The following ZNF503 variants were observed in gnomAD, a reference collection of about 807,000 sequenced individuals.
The protein encoded by ZNF503 is zinc finger protein 503.
In ZNF503, 15 loss-of-function variants were observed where a neutral mutation model predicts 34.4. The ratio of observed to expected loss-of-function variants is 0.44; its 90% CI spans 0.29 to 0.67. The LOEUF is 0.67. ZNF503 is among the 30% of genes least tolerant of loss of function. The pLI is 0.13. For synonymous variants in ZNF503, 580 were observed against 456.8 expected (o/e 1.27, Z -3.44); for missense variants, 1,007 against 926.8 (o/e 1.09, Z -1.12).
At chr10:75,315,657 C>T in the ZNF503 span, among the ~76,000 whole-genome samples, 1 of 151,986 alleles carries the variant, frequency 6.6e-6, no homozygotes, top group Non-Finnish European at 1.5e-5. Context: ...CCAAGGAAGA[C>T]AACAAAAGAG....
At chr10:75,300,123 A>G in the ZNF503 span, among the ~76,000 whole-genome samples, 2 of 152,188 alleles carry the variant, frequency 1.3e-5, no homozygotes, top group Non-Finnish European at 2.9e-5. Flanking sequence ...CAAGGGGGCC[A>G]TTTTAGAGGC....
At chr10:75,335,006 A>G in the ZNF503 span, among the ~76,000 whole-genome samples, 3 of 152,186 alleles carry the variant, frequency 2.0e-5, no homozygotes, top group Non-Finnish European at 1.5e-5. Context: ...GAGGCAATCC[A>G]CCATATCCAG....
At chr10:75,400,913 C>T (rs1843793283) in intron 1 of ZNF503, 192 bp downstream of exon 1, 2 of 810,666 alleles carry the variant, frequency 2.5e-6, no homozygotes, top group African/African-American at 1.7e-5. Context: ...TGCTCCCTAG[C>T]ATGCACGCCC....
the ZNF503 span, among the ~76,000 whole-genome samples, chr10:75,314,754 A>G: frequency 1.3e-5 from 2 of 152,224 alleles, no homozygotes; most frequent in African/African-American, 2.4e-5. Context: ...AGAAAGTGGA[A>G]TAATATATTA....
the ZNF503 span, among the ~76,000 whole-genome samples, chr10:75,381,218 G>GTTTGTTTTGT: frequency 1.1e-4 from 16 of 152,092 alleles, no homozygotes; most frequent in Admixed American, 5.9e-4. Flanking sequence ...ATTTTTGTTT[G>GTTTGTTTTGT]TTTGTTTTGT....
the ZNF503 span, among the ~76,000 whole-genome samples, chr10:75,290,780 G>A: frequency 4.6e-5 from 7 of 152,168 alleles, no homozygotes; most frequent in Admixed American, 1.3e-4. Context: ...TGCCAAAGTC[G>A]TTGAACTGAA....
At chr10:75,371,712 C>T in the ZNF503 span, among the ~76,000 whole-genome samples, 1 of 152,138 alleles carries the variant, frequency 6.6e-6, no homozygotes, top group African/African-American at 2.4e-5. Context: ...GTATTAAGTC[C>T]GCAGATACTC....
At chr10:75,364,167 C>T in the ZNF503 span, among the ~76,000 whole-genome samples, 1 of 152,234 alleles carries the variant, frequency 6.6e-6, no homozygotes, top group African/African-American at 2.4e-5. Context: ...GTTATCTCTG[C>T]TTTCCATTCT....
the ZNF503 span, among the ~76,000 whole-genome samples, chr10:75,280,789 C>A: frequency 6.6e-6 from 1 of 151,960 alleles, no homozygotes; most frequent in African/African-American, 2.4e-5. Context: ...AGAGGGAGGA[C>A]CCAACTTAAG....
At chr10:75,375,341 T>C in the ZNF503 span, among the ~76,000 whole-genome samples, 10 of 152,098 alleles carry the variant, frequency 6.6e-5, no homozygotes, top group African/African-American at 2.4e-4. Context: ...CAGGATGGTC[T>C]TGATCTCCTG....
At chr10:75,349,187 A>C in the ZNF503 span, among the ~76,000 whole-genome samples, 1 of 152,250 alleles carries the variant, frequency 6.6e-6, no homozygotes, top group African/African-American at 2.4e-5. Context: ...TATCCCAATA[A>C]TGTTCTTTAT....
chr10:75,356,735 T>C, the ZNF503 span, among the ~76,000 whole-genome samples: 1 of 152,154 alleles, frequency 6.6e-6, no homozygotes, highest in African/African-American at 2.4e-5. Context: ...GGTTCTCCCA[T>C]TGAGGCCCTG....
chr10:75,397,150 G>C (rs1458695666), downstream of ZNF503, among the ~76,000 whole-genome samples: 1 of 151,770 alleles, frequency 6.6e-6, no homozygotes, highest in East Asian at 1.9e-4. Context: ...ACCCGGACGG[G>C]GAAAAGCAGC....
chr10:75,373,267 C>T, the ZNF503 span: 1 of 152,214 alleles, frequency 6.6e-6, no homozygotes, highest in Non-Finnish European at 1.5e-5. Context: ...GGCACAAAGG[C>T]CAGCCCTTTG....
chr10:75,291,601 ACT>A, the ZNF503 span, among the ~76,000 whole-genome samples: 4 of 151,938 alleles, frequency 2.6e-5, no homozygotes, highest in Non-Finnish European at 4.4e-5. Flanking sequence ...ACACAGTGAG[ACT>A]CTGTCTCAAA....
chr10:75,317,003 A>T, the ZNF503 span, among the ~76,000 whole-genome samples: 1,365 of 152,288 alleles, frequency 9.0e-3, 21 homozygotes, highest in South Asian at 0.021. Flanking sequence ...GTACAGCAGC[A>T]CAGTCATAGC....
At chr10:75,297,123 C>CAG in the ZNF503 span, among the ~76,000 whole-genome samples, 1 of 152,130 alleles carries the variant, frequency 6.6e-6, no homozygotes, top group African/African-American at 2.4e-5. Context: ...GTGATTTTAT[C>CAG]TGTGTTTATT....
chr10:75,400,993 G>A, intron 1 of ZNF503, 112 bp downstream of exon 1: 6 of 1,469,596 alleles, frequency 4.1e-6, no homozygotes, highest in Non-Finnish European at 5.5e-6. Flanking sequence ...CCCCCATTCG[G>A]GAGCTGAATC....
chr10:75,314,998 C>T, the ZNF503 span, among the ~76,000 whole-genome samples: 2,974 of 152,218 alleles, frequency 0.02, 111 homozygotes, highest in African/African-American at 0.068. Context: ...TCAGATTACC[C>T]TAATATTGTA....
Sources: gnomAD v4.1 joint callset for allele counts (sites outside exome capture counted in the v4.1 genomes callset) on GRCh38, gnomAD v4.1.1 for gene constraint, MANE v1.5 for transcripts, NCBI Gene and HGNC (gene_info 2026-07-23, HGNC 2026-07-21) for gene names.